Variants in ELMO1 observed in about 807,000 individuals in gnomAD.
ELMO1 encodes engulfment and cell motility protein 1.
A neutral mutation model predicts 98.9 loss-of-function variants in ELMO1; 26 were observed. That is an observed-to-expected ratio of 0.26 (90% confidence interval 0.19 to 0.36). The LOEUF (loss-of-function observed/expected upper bound fraction) is 0.36, where lower values mean the gene tolerates loss of function less well. Among genes scored for constraint, ELMO1 ranks in the 10% least tolerant of loss-of-function variants. ELMO1 has a pLI of 1.00. For missense variants in ELMO1, 627 were observed against 935.2 expected (o/e 0.67, Z 4.30); for synonymous variants, 346 against 346.0 (o/e 1.00, Z 0.00).
At chr7:37,228,389 T>A (rs1793982602) in intron 8 of ELMO1, among the ~76,000 whole-genome samples, 1 of 152,232 alleles carries the variant, frequency 6.6e-6, no homozygotes, top group Non-Finnish European at 1.5e-5. Flanking sequence ...TGATTCCCTC[T>A]GCCTTTCAAT....
intron 1 of ELMO1, among the ~76,000 whole-genome samples, chr7:37,373,007 G>A (rs570902079): frequency 3.4e-4 from 52 of 152,296 alleles, no homozygotes; most frequent in Admixed American, 2.5e-3. Context: ...CAGCTGGTAC[G>A]GAAGTGGCAC....
intron 1 of ELMO1, among the ~76,000 whole-genome samples, chr7:37,441,763 G>A (rs1805425660): frequency 6.6e-6 from 1 of 152,198 alleles, no homozygotes; most frequent in Non-Finnish European, 1.5e-5. Flanking sequence ...ACAGGTACTA[G>A]GAAGAAACAT....
chr7:37,264,125 C>A (rs543632059), intron 5 of ELMO1, among the ~76,000 whole-genome samples: 1 of 152,208 alleles, frequency 6.6e-6, no homozygotes, highest in South Asian at 2.1e-4. Flanking sequence ...ACAGCCAAGA[C>A]GCAAACATAT....
intron 13 of ELMO1, among the ~76,000 whole-genome samples, chr7:37,150,277 C>CTTTTTTT (rs10714242): frequency 6.9e-6 from 1 of 143,908 alleles, no homozygotes; most frequent in Non-Finnish European, 1.6e-5. Context: ...ATGCGGAATT[C>CTTTTTTT]TTTTTTTTTT....
At position 37,271,838 on chromosome 7, in the gene ELMO1, T is replaced by A. The variant is rs868493066; in HGVS notation, c.237A>T (p.Thr79=). 1 of 1,613,958 alleles carries A rather than the reference T, an allele frequency of 6.2e-7. No homozygotes were observed. The highest frequency in any genetic ancestry group is 1.6e-4 in the Middle Eastern group (1 of 6,062). Reference sequence around the variant, plus strand: ...GAAGCTAAGATCAACTTACTGGAGATGTGGTTAATCGAAGGATAGTGCCAT... The same window carrying A: ...GAAGCTAAGATCAACTTACTGGAGAAGTGGTTAATCGAAGGATAGTGCCAT... The part of the protein sequence containing the change: ...IKNGTILRLT[T]SPAQNAQQLH... The change falls in exon 5 of 22, where the codon ACA becomes ACT. Residue 79 remains threonine (T), a synonymous_variant. Transcript: ENST00000310758.
At chr7:36,888,571 T>C (rs1317161310) in intron 17 of ELMO1, among the ~76,000 whole-genome samples, 1 of 152,218 alleles carries the variant, frequency 6.6e-6, no homozygotes, top group Non-Finnish European at 1.5e-5. Flanking sequence ...GTAACTCATC[T>C]AAGTCTCAGT....
In ELMO1 at chr7:36,961,669, C is replaced by T. The variant is rs372214034; in HGVS notation, c.1437+51630G>A. ...CTTAATGGTTTGATATTTATGAATA[C>T]CTTGCCTATAAGAAACACAAATCAT... On this transcript the variant is annotated intron_variant, in intron 16 of 21. Transcript: ENST00000310758. 3.9e-5 allele frequency among the ~76,000 whole-genome samples: 6 copies of T among 152,158 alleles called. No homozygotes were observed. In the South Asian group the frequency reaches 1.2e-3, roughly 32 times the overall value.
intron 4 of ELMO1, among the ~76,000 whole-genome samples, chr7:37,302,789 T>C (rs1451107204): frequency 1.3e-5 from 2 of 152,072 alleles, no homozygotes; most frequent in Non-Finnish European, 2.9e-5. Context: ...ATTTGGGGTG[T>C]TTTTTAATGC....
intron 1 of ELMO1, among the ~76,000 whole-genome samples, chr7:37,432,293 C>G (rs116859162): frequency 8.9e-4 from 136 of 152,300 alleles, no homozygotes; most frequent in Non-Finnish European, 1.5e-3. Flanking sequence ...TAGGTATGCT[C>G]AGCAACTGCC....
intron 1 of ELMO1, among the ~76,000 whole-genome samples, chr7:37,411,107 C>A (rs1351588003): frequency 6.6e-6 from 1 of 152,156 alleles, no homozygotes; most frequent in Non-Finnish European, 1.5e-5. Context: ...CTCAGAAAAC[C>A]ATTTTAAGAA....
chr7:37,192,970 GATATAT>G (rs374892700), intron 13 of ELMO1, among the ~76,000 whole-genome samples: 131 of 40,066 alleles, frequency 3.3e-3, no homozygotes, highest in African/African-American at 6.8e-3. Context: ...ATATATAGGA[GATATAT>G]ATATATATAT....
intron 1 of ELMO1, among the ~76,000 whole-genome samples, chr7:37,385,429 C>T (rs1200174388): frequency 6.6e-6 from 1 of 152,212 alleles, no homozygotes; most frequent in Non-Finnish European, 1.5e-5. Flanking sequence ...CCCGAACTGC[C>T]CTGTGGCTCA....
chr7:37,350,206 A>C (rs912810625), intron 1 of ELMO1, among the ~76,000 whole-genome samples: 3 of 152,234 alleles, frequency 2.0e-5, no homozygotes, highest in Non-Finnish European at 4.4e-5. Flanking sequence ...AGAACATGCA[A>C]GCACTCAGCA....
At chr7:36,879,252 G>A (rs959255345) in intron 18 of ELMO1, among the ~76,000 whole-genome samples, 4 of 152,194 alleles carry the variant, frequency 2.6e-5, no homozygotes, top group Non-Finnish European at 4.4e-5. Flanking sequence ...CACAGTGTCT[G>A]ACACATAAAA....
chr7:37,245,453 C>A (rs893631883), intron 6 of ELMO1, among the ~76,000 whole-genome samples: 3 of 152,184 alleles, frequency 2.0e-5, no homozygotes, highest in Admixed American at 1.3e-4. Flanking sequence ...AAATCCAAAT[C>A]ACCAGGCAAA....
At chr7:36,876,936 T>C (rs1804034115) in intron 19 of ELMO1, among the ~76,000 whole-genome samples, 1 of 152,218 alleles carries the variant, frequency 6.6e-6, no homozygotes, top group Admixed American at 6.5e-5. Flanking sequence ...CTAAGTGACA[T>C]CACAAAGACC....
intron 1 of ELMO1, among the ~76,000 whole-genome samples, chr7:37,368,869 T>C (rs150757559): frequency 6.6e-6 from 1 of 152,338 alleles, no homozygotes; most frequent in East Asian, 1.9e-4. Context: ...GGGCTATTGG[T>C]AAATCATTCT....
At position 37,103,937 on chromosome 7, in the gene ELMO1, C is replaced by T. The variant is rs186762104; in HGVS notation, c.1192-7210G>A. On this transcript the variant is annotated intron_variant, in intron 14 of 21. Transcript: ENST00000310758. The stretch of plus-strand genomic sequence containing the variant: ...GAGAATGGCATATGGCATGAACCCG[C>T]GAGGCGGAGCTTGCAGTGAACCGAG... Among the ~76,000 whole-genome samples the T allele has an allele frequency of 1.9e-4, 25 of 132,428 alleles. No individual in the cohort carries two copies. The East Asian group carries it at 2.4e-3, about 13-fold the overall frequency. The allele number at this position is 132,428 out of a possible 152,430, so 86.9% of individuals were successfully genotyped here.
chr7:37,224,258 C>T (rs73108974), intron 9 of ELMO1, among the ~76,000 whole-genome samples: 181 of 152,300 alleles, frequency 1.2e-3, no homozygotes, highest in Middle Eastern at 3.4e-3. Flanking sequence ...TTGTCAGAGA[C>T]AACCTTCCTA....
Sources: allele counts gnomAD v4.1 joint callset (sites outside exome capture counted in the v4.1 genomes callset), GRCh38; gene constraint gnomAD v4.1.1; transcripts MANE v1.5; gene names NCBI Gene and HGNC (gene_info 2026-07-23, HGNC 2026-07-21).